PHF24: variants seen among roughly 807,000 people sequenced by gnomAD.
PHF24 encodes PHD finger protein 24, also known as Galpha inhibitory interacting protein.
PHF24 carries 25 observed loss-of-function variants against 42.6 expected under a neutral mutation model. That is an observed-to-expected ratio of 0.59 (90% CI 0.43 to 0.82). The LOEUF is 0.82. Ranked by LOEUF, PHF24 falls within the 40% of genes least tolerant of loss-of-function variation. PHF24 has a pLI of 0.00. For missense variants in PHF24, 470 were observed against 538.1 expected, an observed-to-expected ratio of 0.87 and a Z score of 1.25; for synonymous variants, 185 against 204.8, an observed-to-expected ratio of 0.90 and a Z score of 0.83.
chr9:34,841,983 C>T, the PHF24 span, among the ~76,000 whole-genome samples: 1 of 152,138 alleles, frequency 6.6e-6, no homozygotes, highest in African/African-American at 2.4e-5. Context: ...AATTGTTTTT[C>T]CCTACCCCTT....
chr9:34,739,758 A>G, the PHF24 span, among the ~76,000 whole-genome samples: 2 of 152,152 alleles, frequency 1.3e-5, no homozygotes, highest in Admixed American at 6.5e-5. Flanking sequence ...AAGCTTCCAC[A>G]CTGTGGAAGG....
At chr9:34,864,975 G>C in the PHF24 span, among the ~76,000 whole-genome samples, 2 of 151,962 alleles carry the variant, frequency 1.3e-5, no homozygotes, top group Non-Finnish European at 2.9e-5. Flanking sequence ...AAGAGATTGA[G>C]ACCATCCTGG....
chr9:34,757,717 G>A, the PHF24 span, among the ~76,000 whole-genome samples: 1 of 151,990 alleles, frequency 6.6e-6, no homozygotes, highest in Non-Finnish European at 1.5e-5. Context: ...ATCCATGCTA[G>A]TGATGTTTGC....
chr9:34,718,380 C>T, the PHF24 span, among the ~76,000 whole-genome samples: 20 of 152,328 alleles, frequency 1.3e-4, no homozygotes, highest in African/African-American at 4.6e-4. Context: ...TGTTTCTGGG[C>T]CTGAGAATGC....
the PHF24 span, among the ~76,000 whole-genome samples, chr9:34,701,749 A>C: frequency 6.6e-6 from 1 of 151,014 alleles, no homozygotes; most frequent in Admixed American, 6.6e-5. This position sits in a 1 kb window ranked among gnomAD's most constrained non-coding sequence, Gnocchi z 5.8. Flanking sequence ...GTCCGGCCAA[A>C]CCCCTGCCAC....
At chr9:34,919,951 T>A in the PHF24 span, among the ~76,000 whole-genome samples, 6 of 152,226 alleles carry the variant, frequency 3.9e-5, no homozygotes, top group Admixed American at 6.5e-5. Flanking sequence ...TCCATTCATC[T>A]GTTGGTGGAC....
chr9:34,975,819 A>T (rs923540498), intron 3 of PHF24, among the ~76,000 whole-genome samples: 2 of 151,928 alleles, frequency 1.3e-5, no homozygotes, highest in African/African-American at 2.4e-5. Flanking sequence ...CTGCCTACTC[A>T]CTAGCCCCCT....
the PHF24 span, among the ~76,000 whole-genome samples, chr9:34,907,510 C>CCCTT: frequency 6.6e-6 from 1 of 152,124 alleles, no homozygotes; most frequent in African/African-American, 2.4e-5. Flanking sequence ...CCCTTTGCCA[C>CCCTT]CTAGAAGGGG....
upstream of PHF24, among the ~76,000 whole-genome samples, chr9:34,955,869 C>T (rs1270481515): frequency 6.6e-6 from 1 of 152,230 alleles, no homozygotes; most frequent in African/African-American, 2.4e-5. Context: ...TTTGCACTTT[C>T]TAACCTCTCC....
At chr9:34,709,498 A>G in the PHF24 span, 1 of 1,613,508 alleles carries the variant, frequency 6.2e-7, no homozygotes, top group East Asian at 2.2e-5. Flanking sequence ...CAGATTCCTC[A>G]CCTCTTGCAG....
the PHF24 span, chr9:34,726,509 A>C: frequency 6.4e-7 from 1 of 1,551,716 alleles, no homozygotes; most frequent in Admixed American, 2.0e-5. Context: ...TCCCTGGACA[A>C]GGCTGGGGTT....
chr9:34,973,089 A>G (rs1394557731), intron 3 of PHF24, among the ~76,000 whole-genome samples: 1 of 152,160 alleles, frequency 6.6e-6, no homozygotes. Flanking sequence ...CCGGTAGCAT[A>G]CATCTCAATG....
the PHF24 span, among the ~76,000 whole-genome samples, chr9:34,690,814 C>T: frequency 0.11 from 16,662 of 152,116 alleles, 1,041 homozygotes; most frequent in Admixed American, 0.17. Flanking sequence ...GCCTGGGAAA[C>T]GGAGGCAGCA....
chr9:34,767,537 C>T, the PHF24 span, among the ~76,000 whole-genome samples: 2 of 152,232 alleles, frequency 1.3e-5, no homozygotes, highest in Admixed American at 6.5e-5. Context: ...TCTGGTGTGC[C>T]GTTTTTTAAG....
the PHF24 span, among the ~76,000 whole-genome samples, chr9:34,908,031 T>TG: frequency 2.0e-5 from 3 of 152,024 alleles, no homozygotes; most frequent in African/African-American, 4.8e-5. Context: ...TTAGTAGAGA[T>TG]GGGGCTTCAT....
At chr9:34,757,134 A>T in the PHF24 span, among the ~76,000 whole-genome samples, 1 of 152,090 alleles carries the variant, frequency 6.6e-6, no homozygotes, top group African/African-American at 2.4e-5. Flanking sequence ...TGAACTCCTG[A>T]CCTCATGAGC....
chr9:34,961,250 C>G (rs564460593), intron 1 of PHF24, among the ~76,000 whole-genome samples: 1 of 152,292 alleles, frequency 6.6e-6, no homozygotes, highest in East Asian at 1.9e-4. Context: ...CTTCATGTCC[C>G]AAATTGATTT....
the PHF24 span, chr9:34,691,337 C>T: frequency 1.9e-6 from 1 of 524,968 alleles, no homozygotes; most frequent in Non-Finnish European, 3.4e-6. Context: ...CCTGAAATTC[C>T]CCTTCATGTC....
chr9:34,758,118 G>A, the PHF24 span, among the ~76,000 whole-genome samples: 29 of 152,122 alleles, frequency 1.9e-4, no homozygotes, highest in Admixed American at 2.6e-4. The surrounding 1 kb of genome is among the most constrained non-coding windows in gnomAD (Gnocchi z 4.4). Context: ...GTCTCCCATG[G>A]GGCTATTCAT....
Sources: allele counts gnomAD v4.1 joint callset (sites outside exome capture counted in the v4.1 genomes callset), GRCh38; gene constraint gnomAD v4.1.1; non-coding constraint Gnocchi (gnomAD v3.1); transcripts MANE v1.5; gene names NCBI Gene and HGNC (gene_info 2026-07-23, HGNC 2026-07-21).